OGG1: variants seen among roughly 807,000 people sequenced by gnomAD.
OGG1 encodes the protein 8-oxoguanine DNA glycosylase, also known as N-glycosylase/DNA lyase.
OGG1 carries 35 observed loss-of-function variants against 42.3 expected under a neutral mutation model. The ratio of observed to expected loss-of-function variants is 0.83; its 90% confidence interval spans 0.63 to 1.10. OGG1 has a LOEUF of 1.10. OGG1 is among the 50% of genes least tolerant of loss of function. The pLI is 0.00. For synonymous variants in OGG1, 189 were observed against 179.0 expected (o/e 1.06, Z -0.44); for missense variants, 484 against 446.7 (o/e 1.08, Z -0.75).
chr3:9,765,440 G>A (rs958446309), intron 7 of OGG1, among the ~76,000 whole-genome samples: 3 of 152,092 alleles, frequency 2.0e-5, no homozygotes, highest in African/African-American at 4.8e-5. Flanking sequence ...ACTTGAGGTA[G>A]GTCCAGAGAC....
chr3:9,758,562 G>C (rs534113846), downstream of OGG1: 1 of 156,100 alleles, frequency 6.4e-6, no homozygotes, highest in South Asian at 2.0e-4. Context: ...TCTCCTGCCT[G>C]TATCTCTGCC....
downstream of OGG1, chr3:9,760,845 A>T: frequency 6.3e-7 from 1 of 1,594,868 alleles, no homozygotes; most frequent in South Asian, 1.1e-5. Context: ...GGGCAGTCTC[A>T]GGGGTCAGGC....
At chr3:9,763,213 C>A (rs898173600) in intron 7 of OGG1, 4 of 1,613,780 alleles carry the variant, frequency 2.5e-6, no homozygotes, top group African/African-American at 1.3e-5. Flanking sequence ...GGTGCTTGAT[C>A]CTGAAAGGAG....
chr3:9,785,407 T>C, intron 3 of OGG1: 1 of 1,613,530 alleles, frequency 6.2e-7, no homozygotes, highest in Non-Finnish European at 8.5e-7. Context: ...GAATCCTCCA[T>C]AGGGGAAATA....
chr3:9,784,689 AC>A (rs2078563367), intron 3 of OGG1, among the ~76,000 whole-genome samples: 1 of 151,900 alleles, frequency 6.6e-6, no homozygotes, highest in Non-Finnish European at 1.5e-5. Flanking sequence ...AGATGGTGAA[AC>A]CCCGTCTCTA....
At chr3:9,763,197 T>C in intron 7 of OGG1, 1 of 1,613,848 alleles carries the variant, frequency 6.2e-7, no homozygotes, top group Non-Finnish European at 8.5e-7. Flanking sequence ...AGGGCTACAA[T>C]GTTGGGGTGC....
intron 4 of OGG1, among the ~76,000 whole-genome samples, chr3:9,756,207 C>G (rs1026102300): frequency 3.9e-5 from 6 of 152,148 alleles, no homozygotes; most frequent in Admixed American, 3.9e-4. Flanking sequence ...ATCCCAGCTA[C>G]TTGGGAGGCT....
chr3:9,769,563 C>CCAAAT (rs2078251949), downstream of OGG1, among the ~76,000 whole-genome samples: 1 of 152,210 alleles, frequency 6.6e-6, no homozygotes. Context: ...ATGGATACCT[C>CCAAAT]CAAATGCCCA....
exon 8 of OGG1, chr3:9,766,283 A>T (rs1444352278): frequency 2.8e-6 from 2 of 702,056 alleles, no homozygotes; most frequent in Admixed American, 2.0e-5. Context: ...TCCTGATAAC[A>T]TTATGTGGCC....
downstream of OGG1, chr3:9,770,056 C>G (rs1197754339): frequency 1.3e-5 from 2 of 152,478 alleles, no homozygotes; most frequent in African/African-American, 2.4e-5. Context: ...GGCACCGCTC[C>G]AAGGCTGGGG....
downstream of OGG1, chr3:9,760,455 C>T: frequency 3.7e-6 from 2 of 537,766 alleles, no homozygotes; most frequent in South Asian, 4.2e-5. Context: ...AAATGAATGC[C>T]TAGTTTCTCA....
At chr3:9,750,476 C>G in intron 1 of OGG1, 53 bp downstream of exon 1, 1 of 1,609,430 alleles carries the variant, frequency 6.2e-7, no homozygotes, top group Non-Finnish European at 8.5e-7. Flanking sequence ...CCTGCCGCCT[C>G]AACACTGCCT....
At chr3:9,759,518 G>A (rs745947683), downstream of OGG1, 55 of 1,614,154 alleles carry the variant, frequency 3.4e-5, no homozygotes, top group Middle Eastern at 4.9e-4. Flanking sequence ...AGTTCTTCTT[G>A]ATCTGCTCAC....
downstream of OGG1, among the ~76,000 whole-genome samples, chr3:9,770,340 G>T (rs574076141): frequency 1.3e-5 from 2 of 152,282 alleles, no homozygotes; most frequent in East Asian, 1.9e-4. Flanking sequence ...CCTTCTCCGT[G>T]CCCTGAAGGG....
exon 8 of OGG1, chr3:9,766,136 G>A (rs1404259341): frequency 1.8e-6 from 2 of 1,115,330 alleles, no homozygotes; most frequent in Middle Eastern, 1.9e-4. Flanking sequence ...AGCACTTTGA[G>A]AATGAGTCTC....
chr3:9,754,913 C>T (rs750621878), intron 4 of OGG1, 28 bp downstream of exon 4: 4 of 1,551,100 alleles, frequency 2.6e-6, no homozygotes, highest in East Asian at 4.8e-5. Flanking sequence ...AGGAGCTGCC[C>T]TCTCTACTGA....
intron 3 of OGG1, among the ~76,000 whole-genome samples, chr3:9,754,187 A>C (rs1034196482): frequency 2.0e-5 from 3 of 152,208 alleles, no homozygotes; most frequent in Non-Finnish European, 2.9e-5. Flanking sequence ...TAGGTGCAAG[A>C]TCTTATCTCC....
intron 7 of OGG1, among the ~76,000 whole-genome samples, chr3:9,764,086 A>G (rs1351813520): frequency 6.6e-6 from 1 of 152,192 alleles, no homozygotes; most frequent in Non-Finnish European, 1.5e-5. Context: ...CTTGCTTGCC[A>G]CTGTTCCTCC....
At chr3:9,761,991 A>C, downstream of OGG1, 1 of 512,762 alleles carries the variant, frequency 2.0e-6, no homozygotes, top group East Asian at 3.6e-5. Context: ...TGCACTGTAA[A>C]GCCCTAAAGG....
Sources: gnomAD v4.1 joint callset for allele counts (sites outside exome capture counted in the v4.1 genomes callset) on GRCh38, gnomAD v4.1.1 for gene constraint, MANE v1.5 for transcripts, NCBI Gene and HGNC (gene_info 2026-07-23, HGNC 2026-07-21) for gene names.